Variants in GPC3 observed in about 807,000 individuals in gnomAD.
The protein encoded by GPC3 is glypican-3.
GPC3 carries 3 observed loss-of-function variants against 34.4 expected under a neutral mutation model. The observed-to-expected ratio is 0.09, with a 90% CI of 0.04 to 0.23. The LOEUF is 0.23. GPC3 is among the 10% of genes least tolerant of loss of function. The pLI is 1.00. For missense variants in GPC3, 351 were observed against 445.6 expected (o/e 0.79, Z 1.91); for synonymous variants, 177 against 174.0 (o/e 1.02, Z -0.13).
chrX:133,719,701 C>A (rs1459830788), intron 3 of GPC3, among the ~76,000 whole-genome samples: 1 of 111,436 alleles, frequency 9.0e-6, no homozygotes, highest in African/African-American at 3.3e-5. Context: ...GGACTTTAAA[C>A]AAAATAAATA....
intron 3 of GPC3, among the ~76,000 whole-genome samples, chrX:133,752,226 A>G (rs1031453670): frequency 2.7e-5 from 3 of 111,679 alleles, no homozygotes; most frequent in Non-Finnish European, 5.6e-5. Flanking sequence ...ATAAAGACAA[A>G]TATTTAGGTG....
At chrX:133,593,354 T>TAAAAAAAAAAAAAAAA (rs1186766438) in intron 7 of GPC3, among the ~76,000 whole-genome samples, 4 of 47,711 alleles carry the variant, frequency 8.4e-5, no homozygotes, top group Non-Finnish European at 1.2e-4. Context: ...AAAAAAAAAG[T>TAAAAAAAAAAAAAAAA]AAAAAAAAAA....
chrX:133,675,340 A>G (rs887117633), intron 5 of GPC3, among the ~76,000 whole-genome samples: 2 of 111,442 alleles, frequency 1.8e-5, no homozygotes, highest in Non-Finnish European at 3.8e-5. Context: ...GTGTTAGTTT[A>G]ACTGACTCAC....
intron 2 of GPC3, among the ~76,000 whole-genome samples, chrX:133,907,038 T>C: frequency 9.1e-6 from 1 of 109,360 alleles, no homozygotes; most frequent in South Asian, 4.1e-4. Context: ...GAGGCGGAGC[T>C]TGCAGTGAGC....
intron 7 of GPC3, among the ~76,000 whole-genome samples, chrX:133,536,646 G>T (rs1303105757): frequency 1.8e-5 from 2 of 110,626 alleles, no homozygotes; most frequent in Non-Finnish European, 3.8e-5. Flanking sequence ...TTTGCTTGAA[G>T]GGCATTTTCA....
At chrX:133,647,537 A>G (rs1400567601) in intron 6 of GPC3, among the ~76,000 whole-genome samples, 1 of 112,635 alleles carries the variant, frequency 8.9e-6, no homozygotes, top group Non-Finnish European at 1.9e-5. Context: ...TTCTAGTGAA[A>G]CAGCACCAGC....
Position 133,953,136 on chromosome X carries a change from G to A in GPC3, c.251C>T (p.Thr84Ile), listed in dbSNP as rs2076400566. 8.3e-7 allele frequency: 1 copy of A among 1,206,124 alleles called. No homozygotes were observed. The highest frequency in any genetic ancestry group is 1.1e-6 in the Non-Finnish European group (1 of 890,542). ...SRKMEEKYQL[T>I]ARLNMEQLLQ... ...CAGCTGTTCCATGTTCAATCGTGCT[G>A]TTAGTTGGTATTTTTCTTCCATCTT... Residue 84 changes from threonine to isoleucine, a missense_variant, in exon 2 of 8, where the codon ACA (threonine) becomes ATA (isoleucine). By Grantham distance (89) the Thr-to-Ile change is moderately conservative (BLOSUM62 -1). Coordinates refer to ENST00000370818, the MANE Select transcript of GPC3 (RefSeq NM_004484.4).
At chrX:133,932,874 C>A (rs1439907411) in intron 2 of GPC3, among the ~76,000 whole-genome samples, 1 of 111,328 alleles carries the variant, frequency 9.0e-6, no homozygotes, top group Admixed American at 9.5e-5. Flanking sequence ...TTTGGACAGA[C>A]AAAGAAAATT....
chrX:133,905,896 A>C (rs2076165776), intron 2 of GPC3, among the ~76,000 whole-genome samples: 1 of 112,077 alleles, frequency 8.9e-6, no homozygotes, highest in Non-Finnish European at 1.9e-5. Flanking sequence ...CATCCTCTTA[A>C]TAGTACTGTC....
At chrX:133,817,331 C>T (rs6634938) in intron 2 of GPC3, among the ~76,000 whole-genome samples, 2 of 111,446 alleles carry the variant, frequency 1.8e-5, no homozygotes, top group Non-Finnish European at 3.8e-5. Flanking sequence ...TACAGTGATG[C>T]CAGACAAATC....
chrX:133,915,954 A>G (rs1411610639), intron 2 of GPC3, among the ~76,000 whole-genome samples: 6 of 110,110 alleles, frequency 5.4e-5, no homozygotes, highest in Admixed American at 1.9e-4. Context: ...AGACCAGCCT[A>G]GCCAACATGG....
rs2076183442 is a variant in GPC3, at chrX:133,908,989, C to G, written c.337+44061G>C. Among the ~76,000 whole-genome samples the G allele has an allele frequency of 4.5e-5, 5 of 112,179 alleles. No individual in the cohort carries two copies. In the South Asian group the frequency reaches 1.9e-3, roughly 42 times the overall value. The stretch of plus-strand genomic sequence containing the variant: ...TCATCCTATATATTGAACTACGCCA[C>G]CCAGCTTTGCGATATCTGCAATGCA... On this transcript the variant is annotated intron_variant, in intron 2 of 7. Transcript: ENST00000370818.
chrX:133,678,962 G>A (rs2070912102), intron 5 of GPC3, among the ~76,000 whole-genome samples: 1 of 111,962 alleles, frequency 8.9e-6, no homozygotes, highest in Admixed American at 9.5e-5. Flanking sequence ...GTTATTATAT[G>A]TGTTTGAAAG....
At chrX:133,798,764 C>T (rs750869550) in intron 2 of GPC3, among the ~76,000 whole-genome samples, 33 of 111,997 alleles carry the variant, frequency 2.9e-4, no homozygotes, top group Middle Eastern at 4.6e-3. Flanking sequence ...GCAAATAGTC[C>T]TTGGAAGGGA....
intron 6 of GPC3, among the ~76,000 whole-genome samples, chrX:133,648,388 A>C (rs1569405156): frequency 9.0e-6 from 1 of 110,948 alleles, no homozygotes; most frequent in Non-Finnish European, 1.9e-5. Context: ...AAAAGATTGG[A>C]TACCCCTTCC....
chrX:133,868,793 C>T (rs1276310259), intron 2 of GPC3, among the ~76,000 whole-genome samples: 1 of 111,487 alleles, frequency 9.0e-6, no homozygotes, highest in African/African-American at 3.3e-5. Flanking sequence ...CCCTCCCTTC[C>T]TCTGCTGATA....
intron 2 of GPC3, among the ~76,000 whole-genome samples, chrX:133,911,832 C>G (rs1009214584): frequency 8.9e-6 from 1 of 111,874 alleles, no homozygotes; most frequent in Non-Finnish European, 1.9e-5. Flanking sequence ...TGTGCAACAT[C>G]TCAATGAGAT....
chrX:133,737,396 A>G (rs1237148782), intron 3 of GPC3, among the ~76,000 whole-genome samples: 1 of 112,177 alleles, frequency 8.9e-6, no homozygotes, highest in Non-Finnish European at 1.9e-5. Flanking sequence ...CATCCATTGT[A>G]ACAAATGTAC....
At chrX:133,679,845 G>A (rs946182282) in intron 5 of GPC3, among the ~76,000 whole-genome samples, 1 of 110,258 alleles carries the variant, frequency 9.1e-6, no homozygotes, top group Non-Finnish European at 1.9e-5. Flanking sequence ...TGGTAGAGAC[G>A]GGGTTTCGAC....
Sources: allele counts gnomAD v4.1 joint callset (sites outside exome capture counted in the v4.1 genomes callset), GRCh38; gene constraint gnomAD v4.1.1; transcripts MANE v1.5; gene names NCBI Gene and HGNC (gene_info 2026-07-23, HGNC 2026-07-21).